Variants in PCDHA8 observed in about 807,000 individuals in gnomAD.
PCDHA8 encodes protocadherin alpha 8, also known as protocadherin alpha-8.
A neutral mutation model predicts 61.8 loss-of-function variants in PCDHA8; 53 were observed. The ratio of observed to expected loss-of-function variants is 0.86; its 90% CI spans 0.69 to 1.08. The LOEUF (loss-of-function observed/expected upper bound fraction) is 1.08. Among genes scored for constraint, PCDHA8 ranks in the 50% least tolerant of loss-of-function variants. The pLI, the probability that PCDHA8 is intolerant of heterozygous loss-of-function variation, is 0.00. For missense variants in PCDHA8, 1,293 were observed against 1,245.0 expected (o/e 1.04, Z -0.58); for synonymous variants, 618 against 556.6 (o/e 1.11, Z -1.55).
chr5:140,880,895 TAGAA>T (rs1421038707), intron 1 of PCDHA8, among the ~76,000 whole-genome samples: 2 of 152,090 alleles, frequency 1.3e-5, no homozygotes, highest in African/African-American at 4.8e-5. Context: ...TAGGGCCAGA[TAGAA>T]AGAATTAGAA....
chr5:140,918,334 A>G (rs1419491986), intron 1 of PCDHA8, among the ~76,000 whole-genome samples: 1 of 152,144 alleles, frequency 6.6e-6, no homozygotes, highest in Non-Finnish European at 1.5e-5. Context: ...ATTGTCTGCT[A>G]AGAGAGATAG....
chr5:140,999,032 C>T (rs2097843779), intron 3 of PCDHA8, among the ~76,000 whole-genome samples: 1 of 152,236 alleles, frequency 6.6e-6, no homozygotes, highest in South Asian at 2.1e-4. Flanking sequence ...TTTGATACTT[C>T]GTCCAGTGTG....
chr5:140,845,716 T>C (rs1554140984), intron 1 of PCDHA8, among the ~76,000 whole-genome samples: 1 of 149,718 alleles, frequency 6.7e-6, no homozygotes, highest in Non-Finnish European at 1.5e-5. Context: ...TATGTATGCA[T>C]GATAAATGTG....
At chr5:140,870,065 C>T (rs2051628168) in intron 1 of PCDHA8, 2 of 1,613,794 alleles carry the variant, frequency 1.2e-6, no homozygotes, top group Non-Finnish European at 1.7e-6. Flanking sequence ...GAAGTACAGG[C>T]TACAGATAAG....
chr5:140,968,295 A>G lies in PCDHA8; in HGVS notation c.2395-10654A>G, dbSNP rs782722853. 4 of 1,613,916 alleles carry G rather than the reference A, an allele frequency of 2.5e-6. No homozygotes were observed. The Admixed American group carries it at 5.0e-5, about 20-fold the overall frequency. ...GCAGAGGTGACCTACTCCCTTCTGG[A>G]GAGGGAGATTCAAGGGCTGCCAGTC... On this transcript the variant is annotated intron_variant, in intron 1 of 3. Coordinates refer to ENST00000531613, the MANE Select transcript of PCDHA8 (RefSeq NM_018911.3).
Position 140,854,738 on chromosome 5 carries a change from G to A in PCDHA8, c.2394+11023G>A, listed in dbSNP as rs894422305. The A allele has an allele frequency of 8.7e-5, 13 of 149,392 alleles. 1 individual carries two copies. The East Asian group carries it at 2.5e-3, about 29-fold the overall frequency. 9.3% of individuals were successfully genotyped at this position (149,392 alleles called of 1,614,324 possible). On this transcript the variant is annotated intron_variant, in intron 1 of 3. Coordinates refer to ENST00000531613, the MANE Select transcript of PCDHA8 (RefSeq NM_018911.3). ...CAGAAAACTCAAGTTTTTTTCAGCA[G>A]CACAGATATATTACATTTTCATTCC...
intron 1 of PCDHA8, among the ~76,000 whole-genome samples, chr5:140,898,780 C>A (rs1424563314): frequency 3.9e-5 from 6 of 152,106 alleles, no homozygotes; most frequent in African/African-American, 1.2e-4. Flanking sequence ...TTACCTTGGG[C>A]AGTATGGCCA....
At chr5:141,005,701 CAAAAAAAAAAAAAAAAAAAA>C (rs59860837) in intron 3 of PCDHA8, among the ~76,000 whole-genome samples, 1 of 7,786 alleles carries the variant, frequency 1.3e-4, no homozygotes, top group Admixed American at 1.6e-3. Flanking sequence ...AACTCCGTCT[CAAAAAAAAAAAAAAAAAAAA>C]AAAAAAAAAA....
intron 1 of PCDHA8, chr5:140,852,963 C>A: frequency 2.4e-6 from 1 of 424,740 alleles, no homozygotes; most frequent in Non-Finnish European, 3.3e-6. Context: ...ACTCCAAGCT[C>A]CCCCTCCCGT....
At chr5:140,948,519 CTA>C (rs2094266581) in intron 1 of PCDHA8, among the ~76,000 whole-genome samples, 1 of 151,476 alleles carries the variant, frequency 6.6e-6, no homozygotes, top group African/African-American at 2.4e-5. Context: ...AATGTTAACA[CTA>C]TTTATATTTT....
intron 1 of PCDHA8, among the ~76,000 whole-genome samples, chr5:140,963,206 A>C (rs988428405): frequency 2.0e-5 from 3 of 152,084 alleles, no homozygotes; most frequent in East Asian, 1.9e-4. Flanking sequence ...GAAAAAAAAA[A>C]CCTCGTGTTT....
At chr5:140,900,199 G>C (rs1383731759) in intron 1 of PCDHA8, among the ~76,000 whole-genome samples, 1 of 152,172 alleles carries the variant, frequency 6.6e-6, no homozygotes, top group Non-Finnish European at 1.5e-5. Context: ...ATGACATCCA[G>C]TTTCATCCAG....
intron 1 of PCDHA8, chr5:140,861,034 G>A (rs1262696550): frequency 1.3e-5 from 2 of 152,270 alleles, no homozygotes; most frequent in Admixed American, 6.5e-5. Context: ...CGGCCGAAAG[G>A]TATTTTTTTT....
Position 140,868,882 on chromosome 5 carries a change from T to A in PCDHA8, c.2394+25167T>A. On this transcript the variant is annotated intron_variant, in intron 1 of 3. Transcript: ENST00000531613. Reference sequence around the variant, plus strand: ...TAAATGCAGTGCACAGTACTCACAGTTTTAGGCGCAAGGTGTCGCTCTTTA... The same window carrying A: ...TAAATGCAGTGCACAGTACTCACAGATTTAGGCGCAAGGTGTCGCTCTTTA... 4 of 715,192 alleles carry A rather than the reference T, an allele frequency of 5.6e-6. No homozygotes were observed. In the South Asian group the frequency reaches 8.5e-5, roughly 15 times the overall value. 44.3% of individuals were successfully genotyped at this position (715,192 alleles called of 1,614,324 possible).
intron 3 of PCDHA8, among the ~76,000 whole-genome samples, chr5:140,993,767 G>A (rs115607244): frequency 3.3e-5 from 5 of 152,010 alleles, no homozygotes; most frequent in Non-Finnish European, 7.4e-5. Context: ...TTACAATTGC[G>A]CAGTATTTTG....
chr5:140,892,304 G>A (rs1301333753), intron 1 of PCDHA8, among the ~76,000 whole-genome samples: 1 of 152,004 alleles, frequency 6.6e-6, no homozygotes, highest in East Asian at 1.9e-4. Context: ...AAATAATTTG[G>A]GGCTTATAAC....
At chr5:140,892,595 A>G (rs1424989273) in intron 1 of PCDHA8, among the ~76,000 whole-genome samples, 1 of 151,958 alleles carries the variant, frequency 6.6e-6, no homozygotes, top group African/African-American at 2.4e-5. Flanking sequence ...TCATTCACCT[A>G]TTTTTTTCCT....
chr5:140,984,426 G>A (rs781888913), intron 3 of PCDHA8, among the ~76,000 whole-genome samples: 2 of 152,160 alleles, frequency 1.3e-5, no homozygotes, highest in South Asian at 2.1e-4. Flanking sequence ...AGATAGAGAA[G>A]GGGATCTCCC....
At chr5:140,885,577 A>G (rs1554182197) in intron 1 of PCDHA8, among the ~76,000 whole-genome samples, 1 of 152,172 alleles carries the variant, frequency 6.6e-6, no homozygotes, top group African/African-American at 2.4e-5. Context: ...TCAGATGTGG[A>G]ATTGATGCAT....
Sources: allele counts gnomAD v4.1 joint callset (sites outside exome capture counted in the v4.1 genomes callset), GRCh38; gene constraint gnomAD v4.1.1; transcripts MANE v1.5; gene names NCBI Gene and HGNC (gene_info 2026-07-23, HGNC 2026-07-21).